The following OPRPN variants were observed in gnomAD, a reference collection of about 807,000 sequenced individuals.
OPRPN encodes the protein basic proline-rich lacrimal protein.
In OPRPN, 1 loss-of-function variant was observed where a neutral mutation model predicts 2.2. That is an observed-to-expected ratio of 0.45 (90% confidence interval 0.16 to 2.15). The LOEUF is 2.15. Among genes scored for constraint, OPRPN ranks in the 30% most tolerant of loss-of-function variants. The pLI, the probability that OPRPN is intolerant of heterozygous loss-of-function variation, is 0.28. For synonymous variants in OPRPN, 126 were observed against 111.5 expected, an observed-to-expected ratio of 1.13 and a Z score of -0.82; for missense variants, 306 against 297.3, an observed-to-expected ratio of 1.03 and a Z score of -0.21.
chr4:70,406,463 T>G (rs1489404288), intron 2 of OPRPN, among the ~76,000 whole-genome samples: 1 of 152,224 alleles, frequency 6.6e-6, no homozygotes, highest in Non-Finnish European at 1.5e-5. Context: ...AAGTAAAATT[T>G]TGGCTGATTT....
At chr4:70,406,971 T>G (rs947114869) in intron 2 of OPRPN, among the ~76,000 whole-genome samples, 2 of 152,202 alleles carry the variant, frequency 1.3e-5, no homozygotes, top group African/African-American at 2.4e-5. Context: ...AAAGTAGAAC[T>G]GGCACAGCAA....
At chr4:70,405,889 C>T (rs1031563608) in intron 2 of OPRPN, among the ~76,000 whole-genome samples, 1 of 150,296 alleles carries the variant, frequency 6.7e-6, no homozygotes, top group Non-Finnish European at 1.5e-5. Context: ...CATAGCAAGA[C>T]CCCATATCCA....
chr4:70,404,167 G>A (rs748770272), intron 2 of OPRPN, among the ~76,000 whole-genome samples: 42 of 152,082 alleles, frequency 2.8e-4, no homozygotes, highest in Non-Finnish European at 4.4e-5. Context: ...AAATGGCCAG[G>A]CGTAAGGGTC....
intron 2 of OPRPN, among the ~76,000 whole-genome samples, chr4:70,408,487 C>T (rs1020284968): frequency 2.0e-5 from 3 of 152,164 alleles, no homozygotes; most frequent in African/African-American, 7.2e-5. Flanking sequence ...AAAATTGTTA[C>T]AATATTTATC....
At chr4:70,405,909 C>CAA (rs71210172) in intron 2 of OPRPN, among the ~76,000 whole-genome samples, 32 of 148,446 alleles carry the variant, frequency 2.2e-4, no homozygotes, top group East Asian at 5.9e-4. Context: ...ACAAAAAATA[C>CAA]AAAAAAAAAA....
chr4:70,402,874 G>A (rs779145525), intron 2 of OPRPN, among the ~76,000 whole-genome samples: 1 of 151,964 alleles, frequency 6.6e-6, no homozygotes, highest in Admixed American at 6.6e-5. Context: ...GAGTGAGATG[G>A]GAAGAGAGGA....
chr4:70,405,616 C>G (rs191405972), intron 2 of OPRPN, among the ~76,000 whole-genome samples: 3 of 152,358 alleles, frequency 2.0e-5, no homozygotes, highest in Non-Finnish European at 4.4e-5. Context: ...AGATTTCAAT[C>G]TGCATCTACA....
At chr4:70,398,415 G>T (rs1732905312) in intron 1 of OPRPN, among the ~76,000 whole-genome samples, 1 of 151,780 alleles carries the variant, frequency 6.6e-6, no homozygotes, top group African/African-American at 2.4e-5. Flanking sequence ...TTGTCAAACT[G>T]CTTTCTAATA....
At chr4:70,405,830 A>G (rs1471817268) in intron 2 of OPRPN, among the ~76,000 whole-genome samples, 1 of 152,088 alleles carries the variant, frequency 6.6e-6, no homozygotes, top group East Asian at 1.9e-4. Flanking sequence ...TTGGGAGGCC[A>G]AGGCAGGTGG....
At chr4:70,409,229 G>T in intron 2 of OPRPN, 151 bp from the exon 3 acceptor site, 1 of 601,256 alleles carries the variant, frequency 1.7e-6, no homozygotes. Flanking sequence ...TTTTTTCTAA[G>T]TTATTTTCTC....
At chr4:70,403,008 C>T (rs545536776) in intron 2 of OPRPN, among the ~76,000 whole-genome samples, 19 of 152,146 alleles carry the variant, frequency 1.2e-4, no homozygotes, top group Non-Finnish European at 1.9e-4. Context: ...CAGTACAAAA[C>T]CTCAGAAAGA....
rs1054499413 is a variant in OPRPN, at chr4:70,405,134, A to T, written c.52-4246A>T. ...AGTAAAATGAAACTCAAAATAGCCA[A>T]TTCTCTATTCTGTTTCAAATAAGCT... On this transcript the variant is annotated intron_variant, in intron 2 of 2. Coordinates refer to ENST00000399575, the MANE Select transcript of OPRPN (RefSeq NM_021225.5). Among the ~76,000 whole-genome samples, 5 of 152,250 alleles carry T rather than the reference A, an allele frequency of 3.3e-5. No homozygotes were observed. The South Asian group carries it at 1.0e-3, about 32-fold the overall frequency.
At chr4:70,401,023 A>G (rs1732974778) in intron 2 of OPRPN, among the ~76,000 whole-genome samples, 1 of 152,038 alleles carries the variant, frequency 6.6e-6, no homozygotes, top group African/African-American at 2.4e-5. Flanking sequence ...CTTCTGTTTC[A>G]TACTGAGGAC....
At chr4:70,400,449 G>A (rs141648804) in intron 2 of OPRPN, among the ~76,000 whole-genome samples, 26 of 151,996 alleles carry the variant, frequency 1.7e-4, no homozygotes, top group Middle Eastern at 3.4e-3. Flanking sequence ...TACTTCTGAG[G>A]TTGAAATAGA....
In OPRPN at chr4:70,409,981, A is replaced by G; in HGVS notation, c.653A>G (p.Asn218Ser). The G allele has an allele frequency of 6.2e-7, 1 of 1,613,254 alleles. No homozygotes were observed. The highest frequency in any genetic ancestry group is 1.1e-5 in the South Asian group (1 of 90,890). Residue 218 changes from asparagine to serine, a missense_variant, in exon 3 of 3, where the codon AAT becomes AGT. Asn to Ser is a conservative substitution (Grantham distance 46, BLOSUM62 1). Coordinates refer to ENST00000399575, the MANE Select transcript of OPRPN (RefSeq NM_021225.5). ...LANRPHTVLL[N>S]ATVQVTTSNQ... is the part of the protein sequence containing the mutation. Reference sequence around the variant, plus strand: ...AACCGTCCTCACACAGTATTGCTCAATGCCACTGTCCAAGTTACGACTTCC... The same window carrying G: ...AACCGTCCTCACACAGTATTGCTCAGTGCCACTGTCCAAGTTACGACTTCC...
chr4:70,398,185 C>A (rs1373890364), intron 1 of OPRPN, 145 bp downstream of exon 1: 5 of 150,870 alleles, frequency 3.3e-5, no homozygotes, highest in African/African-American at 1.2e-4. Context: ...AAAAAAAAAT[C>A]ATTGTCTGTG....
chr4:70,409,478 A>G lies in OPRPN; in HGVS notation c.150A>G (p.Pro50=). The G allele has an allele frequency of 6.2e-7, 1 of 1,613,396 alleles. No homozygotes were observed. The highest frequency in any genetic ancestry group is 8.5e-7 in the Non-Finnish European group (1 of 1,179,784). The part of the protein sequence containing the change: ...YRPRWVPPSP[P]PPYDSRLNSP... Reference sequence around the variant, plus strand: ...CAAGATGGGTTCCACCAAGTCCCCCACCTCCCTATGACTCAAGACTTAATT... The same window carrying G: ...CAAGATGGGTTCCACCAAGTCCCCCGCCTCCCTATGACTCAAGACTTAATT... Residue 50 remains proline (P), a synonymous_variant, in exon 3 of 3, where the codon CCA becomes CCG. Transcript: ENST00000399575.
At chr4:70,399,869 C>A (rs72852754) in intron 2 of OPRPN, among the ~76,000 whole-genome samples, 9 of 151,868 alleles carry the variant, frequency 5.9e-5, no homozygotes, top group African/African-American at 1.9e-4. Flanking sequence ...CTAAAATATT[C>A]CTTTAACTGA....
chr4:70,409,287 T>G, intron 2 of OPRPN, 93 bp from the exon 3 acceptor site: 1 of 922,968 alleles, frequency 1.1e-6, no homozygotes, highest in Non-Finnish European at 1.6e-6. Context: ...GTTTACATAG[T>G]AGATATATTA....
Sources: allele counts gnomAD v4.1 joint callset (sites outside exome capture counted in the v4.1 genomes callset), GRCh38; gene constraint gnomAD v4.1.1; transcripts MANE v1.5; gene names NCBI Gene and HGNC (gene_info 2026-07-23, HGNC 2026-07-21).